The following NLRP12 variants were observed in gnomAD, a reference collection of about 807,000 sequenced individuals.
NLRP12 encodes the protein NLR family pyrin domain containing 12, also known as NACHT, LRR and PYD domains-containing protein 12.
Under a neutral mutation model 91.2 loss-of-function variants are expected in NLRP12, and 108 were observed. The observed-to-expected ratio is 1.18, with a 90% CI of 1.01 to 1.39. The LOEUF (loss-of-function observed/expected upper bound fraction) is 1.39, where lower values mean the gene tolerates loss of function less well. NLRP12 is among the 40% of genes most tolerant of loss of function. The probability of loss-of-function intolerance (pLI) is 0.00; values close to 1 mark genes in which losing one functional copy is unlikely to be tolerated. For missense variants in NLRP12, 1,530 were observed against 1,352.7 expected, an observed-to-expected ratio of 1.13 and a Z score of -2.06; for synonymous variants, 613 against 566.7, an observed-to-expected ratio of 1.08 and a Z score of -1.16.
At position 53,819,459 on chromosome 19, in the gene NLRP12, G is replaced by A. The variant is rs12985847; in HGVS notation, c.289+4427C>T. ...TATATATATATATATATATATATAT[G>A]TGTGTGTGTGTGTGTGTGTGTGTGT... On this transcript the variant is annotated intron_variant, in intron 1 of 9. Coordinates refer to ENST00000324134, the MANE Select transcript of NLRP12 (RefSeq NM_144687.4). Among the ~76,000 whole-genome samples, 91 of 14,024 alleles carry A rather than the reference G, an allele frequency of 6.5e-3. 2 individuals are homozygous for A. The highest frequency in any genetic ancestry group is 0.013 in the Non-Finnish European group (66 of 4,968). The allele number at this position is 14,024 out of a possible 152,430, so 9.2% of individuals were successfully genotyped here.
intron 4 of NLRP12, among the ~76,000 whole-genome samples, chr19:53,806,183 G>A (rs1319541254): frequency 6.6e-6 from 1 of 151,926 alleles, no homozygotes; most frequent in African/African-American, 2.4e-5. Flanking sequence ...GCAGTGAGTC[G>A]AGATCATGTC....
intron 1 of NLRP12, among the ~76,000 whole-genome samples, chr19:53,818,340 C>T (rs1197135108): frequency 2.0e-5 from 3 of 151,984 alleles, no homozygotes; most frequent in Admixed American, 1.3e-4. Flanking sequence ...TCCCAAAGTG[C>T]TGGGATTATA....
chr19:53,799,940 GA>G (rs1363570318), intron 7 of NLRP12, among the ~76,000 whole-genome samples: 1 of 152,234 alleles, frequency 6.6e-6, no homozygotes, highest in African/African-American at 2.4e-5. Flanking sequence ...AAGGCCAGAG[GA>G]TCTCCTAAGG....
intron 1 of NLRP12, among the ~76,000 whole-genome samples, chr19:53,819,543 A>ACATACATGCG (rs1555799043): frequency 1.6e-4 from 5 of 31,188 alleles, no homozygotes; most frequent in Non-Finnish European, 2.5e-4. Context: ...ATGTATACGT[A>ACATACATGCG]TATATATGTA....
intron 5 of NLRP12, 136 bp from the exon 6 acceptor site, chr19:53,804,258 TATC>T: frequency 1.0e-6 from 1 of 984,290 alleles, no homozygotes; most frequent in African/African-American, 1.6e-5. Context: ...AGTGGAGTGA[TATC>T]AACTCGCTGA....
chr19:53,811,918 T>C (rs886185207), intron 2 of NLRP12, among the ~76,000 whole-genome samples: 1 of 152,078 alleles, frequency 6.6e-6, no homozygotes, highest in Non-Finnish European at 1.5e-5. Context: ...TACCAGATAG[T>C]GCAGACATGA....
Position 53,810,885 on chromosome 19 carries a change from A to C in NLRP12, c.774T>G (p.Ser258Arg). 6.2e-7 allele frequency: 1 copy of C among 1,613,964 alleles called. No individual in the cohort carries two copies. Among genetic ancestry groups the C allele is most frequent in the Non-Finnish European group, 8.5e-7 (1 of 1,179,990 alleles). The change falls in exon 3 of 10, where the codon AGT (serine) becomes AGG (arginine). Residue 258 changes from serine to arginine, a missense_variant. Physicochemically the swap from Ser to Arg is moderately radical, Grantham distance 110 (BLOSUM62 -1). Coordinates refer to ENST00000324134, the MANE Select transcript of NLRP12 (RefSeq NM_144687.4). Reference protein sequence around the residue: ...FYINCREMNQSATECSMQDLI... With the variant: ...FYINCREMNQRATECSMQDLI... ...GGTCTTGCATGCTGCATTCCGTGGC[A>C]CTCTGGTTCATCTCCCTGCAGTTGA... is the stretch of plus-strand genomic sequence containing the variant.
rs760185291 is a variant in NLRP12, at chr19:53,811,231, C to T, written c.428G>A (p.Arg143His). The T allele has an allele frequency of 5.6e-6, 9 of 1,613,936 alleles. No homozygotes were observed. Among genetic ancestry groups the T allele is most frequent in the Non-Finnish European group, 7.6e-6 (9 of 1,180,040 alleles). Reference sequence around the variant, plus strand: ...GACACATTCCCCTAGGCGCGCATTGCGGTCTTCCATGAGCCGGAATTTCCT... The same window carrying T: ...GACACATTCCCCTAGGCGCGCATTGTGGTCTTCCATGAGCCGGAATTTCCT... ...VRRKFRLMED[R>H]NARLGECVNL... Residue 143 changes from arginine to histidine, a missense_variant, in exon 3 of 10, where the codon CGC (arginine) becomes CAC (histidine). By Grantham distance (29) the Arg-to-His change is conservative. Transcript: ENST00000324134.
chr19:53,798,452 C>G (rs771558929), intron 7 of NLRP12, 39 bp from the exon 8 acceptor site: 6 of 1,597,840 alleles, frequency 3.8e-6, no homozygotes, highest in Non-Finnish European at 5.1e-6. Flanking sequence ...GGGAGGCATT[C>G]CTCCTGCAAA....
chr19:53,805,755 G>T, intron 4 of NLRP12: 2 of 393,200 alleles, frequency 5.1e-6, no homozygotes, highest in Non-Finnish European at 9.8e-6. Context: ...TGGGTCAAGT[G>T]ATCCTCCCCA....
intron 1 of NLRP12, among the ~76,000 whole-genome samples, chr19:53,819,553 A>G (rs1269537164): frequency 3.2e-5 from 2 of 63,352 alleles, no homozygotes; most frequent in African/African-American, 1.1e-4. Context: ...ATATATATGT[A>G]TGTATACGTA....
chr19:53,797,504 C>T (rs930233225), intron 8 of NLRP12, among the ~76,000 whole-genome samples: 1 of 151,998 alleles, frequency 6.6e-6, no homozygotes, highest in East Asian at 1.9e-4. Context: ...ACTGTAATCT[C>T]GCCTCCCAGG....
Position 53,804,134 on chromosome 19 carries a change from GGA to G in NLRP12, c.2415-14_2415-13del. 8 of 1,613,796 alleles carry G rather than the reference GGA, an allele frequency of 5.0e-6. No individual in the cohort carries two copies. The highest frequency in any genetic ancestry group is 6.8e-6 in the Non-Finnish European group (8 of 1,179,886). On this transcript the variant is annotated splice_polypyrimidine_tract_variant and intron_variant, in intron 5 of 9. Coordinates refer to ENST00000324134, the MANE Select transcript of NLRP12 (RefSeq NM_144687.4). ...GACACTTCCTCAACCTTGGGAGGAA[GGA>G]GAGGTTGAAGGGGACGCCATCTTGC... is the stretch of plus-strand genomic sequence containing the variant.
At chr19:53,797,405 G>C (rs1177517364) in intron 8 of NLRP12, among the ~76,000 whole-genome samples, 1 of 150,160 alleles carries the variant, frequency 6.7e-6, no homozygotes, top group East Asian at 2.0e-4. Context: ...TTACAGGCAT[G>C]AGCCACTGTG....
intron 9 of NLRP12, among the ~76,000 whole-genome samples, chr19:53,795,322 C>T (rs10418264): frequency 0.54 from 81,731 of 150,738 alleles, 22,509 homozygotes; most frequent in South Asian, 0.63. Flanking sequence ...TCACTCGAAT[C>T]ACAGTGACCT....
chr19:53,809,895 C>G lies in NLRP12; in HGVS notation c.1764G>C (p.Lys588Asn), dbSNP rs779367353. ...TTTGGATCCACTGCAACAGGTCCAT[C>G]TTGATGTGCGGCGAGACCTTCCAGC... ...SLCWKVSPHI[K>N]MDLLQWIQSK... The change falls in exon 3 of 10, where the codon AAG becomes AAC. Residue 588 changes from lysine (K) to asparagine (N), a missense_variant. Lys to Asn is a moderately conservative substitution (Grantham distance 94). Coordinates refer to ENST00000324134, the MANE Select transcript of NLRP12 (RefSeq NM_144687.4). 3 of 1,614,118 alleles carry G rather than the reference C, an allele frequency of 1.9e-6. No homozygotes were observed. The highest frequency in any genetic ancestry group is 2.5e-6 in the Non-Finnish European group (3 of 1,180,038).
At position 53,816,922 on chromosome 19, in the gene NLRP12, G is replaced by C. The variant is rs1384169311; in HGVS notation, c.290-1934C>G. On this transcript the variant is annotated intron_variant, in intron 1 of 9. Transcript: ENST00000324134. ...GAATTGTTTAATGGGTATCGAGTTT[G>C]TTTTGCAAGATGAAGAGTTCTGCAG... Among the ~76,000 whole-genome samples the C allele has an allele frequency of 3.9e-5, 6 of 152,122 alleles. No individual in the cohort carries two copies. In the South Asian group the frequency reaches 1.0e-3, roughly 26 times the overall value.
Position 53,819,658 on chromosome 19 carries a change from CACAT to C in NLRP12, c.289+4224_289+4227del, listed in dbSNP as rs1402189036. 9.3e-3 allele frequency among the ~76,000 whole-genome samples: 282 copies of C among 30,366 alleles called. 27 individuals carry two copies. The highest frequency in any genetic ancestry group is 0.028 in the African/African-American group (256 of 9,258). 19.9% of individuals were successfully genotyped at this position (30,366 alleles called of 152,430 possible). A position where few individuals can be genotyped will look rare whatever the true frequency, so the allele number is the denominator to read the frequency against. On this transcript the variant is annotated intron_variant, in intron 1 of 9. Coordinates refer to ENST00000324134, the MANE Select transcript of NLRP12 (RefSeq NM_144687.4). Reference sequence around the variant, plus strand: ...ATATGTATGTATACGTATATATATACACATGTATACATATATGTATGTATACATA... The same window carrying C: ...ATATGTATGTATACGTATATATATACGTATACATATATGTATGTATACATA...
At chr19:53,799,222 G>C (rs1382609163) in intron 7 of NLRP12, among the ~76,000 whole-genome samples, 1 of 150,636 alleles carries the variant, frequency 6.6e-6, no homozygotes, top group Non-Finnish European at 1.5e-5. Context: ...CAGTTGGCCA[G>C]GATGGTCTCC....
Sources: allele counts gnomAD v4.1 joint callset (sites outside exome capture counted in the v4.1 genomes callset), GRCh38; gene constraint gnomAD v4.1.1; transcripts MANE v1.5; gene names NCBI Gene and HGNC (gene_info 2026-07-23, HGNC 2026-07-21).